Variants in TMEM117 observed in about 807,000 individuals in gnomAD.
TMEM117 encodes the protein transmembrane protein 117.
Under a neutral mutation model 52.4 loss-of-function variants are expected in TMEM117, and 27 were observed. The observed-to-expected ratio is 0.51, with a 90% CI of 0.38 to 0.71. The LOEUF (loss-of-function observed/expected upper bound fraction) is 0.71, where lower values mean the gene tolerates loss of function less well. TMEM117 is among the 30% of genes least tolerant of loss of function. TMEM117 has a pLI of 0.00. For missense variants in TMEM117, 556 were observed against 630.5 expected, an observed-to-expected ratio of 0.88 and a Z score of 1.26; for synonymous variants, 215 against 206.3, an observed-to-expected ratio of 1.04 and a Z score of -0.36.
chr12:43,831,692 C>T (rs559474659), upstream of TMEM117, among the ~76,000 whole-genome samples: 3 of 152,148 alleles, frequency 2.0e-5, no homozygotes, highest in South Asian at 6.2e-4. Context: ...TATAGGTGCG[C>T]ACCACCACTC....
intron 2 of TMEM117, among the ~76,000 whole-genome samples, chr12:43,930,016 T>C (rs989860280): frequency 2.0e-5 from 3 of 152,166 alleles, no homozygotes; most frequent in African/African-American, 7.2e-5. Flanking sequence ...GATGATACAA[T>C]CTTCCCTAGA....
Position 44,202,670 on chromosome 12 carries a change from G to A in TMEM117, c.511-8620G>A, listed in dbSNP as rs146616127. 8.2e-3 allele frequency among the ~76,000 whole-genome samples: 1,241 copies of A among 152,226 alleles called. 13 individuals are homozygous for A. The highest frequency in any genetic ancestry group is 0.028 in the African/African-American group (1,180 of 41,544). The stretch of plus-strand genomic sequence containing the variant: ...ATGCCGGCCTCATAGAATGAGTTAC[G>A]GAGATATTCCTCTTCCTTGATTTTT... On this transcript the variant is annotated intron_variant, in intron 4 of 7. Transcript: ENST00000266534.
chr12:43,976,302 G>A (rs193094919), intron 3 of TMEM117, among the ~76,000 whole-genome samples: 1 of 152,254 alleles, frequency 6.6e-6, no homozygotes, highest in Admixed American at 6.5e-5. Flanking sequence ...CCTGCAGACT[G>A]TGGCAGAGCA....
chr12:43,923,294 C>T (rs1016201817), intron 2 of TMEM117, among the ~76,000 whole-genome samples: 2 of 152,034 alleles, frequency 1.3e-5, no homozygotes, highest in Admixed American at 1.3e-4. Context: ...TGGATTTATC[C>T]CAACATATTT....
intron 2 of TMEM117, among the ~76,000 whole-genome samples, chr12:43,921,615 T>A (rs1944695487): frequency 6.6e-6 from 1 of 152,222 alleles, no homozygotes. Flanking sequence ...TCTTTCTTCC[T>A]TCTGATTTTC....
At chr12:43,995,468 C>G (rs988386979) in intron 3 of TMEM117, among the ~76,000 whole-genome samples, 12 of 152,196 alleles carry the variant, frequency 7.9e-5, no homozygotes, top group African/African-American at 2.7e-4. Flanking sequence ...TTGGAACTCT[C>G]TCTCCATACT....
At chr12:43,968,288 T>G (rs11182355) in intron 3 of TMEM117, among the ~76,000 whole-genome samples, 7,672 of 152,328 alleles carry the variant, frequency 0.05, 237 homozygotes, top group Non-Finnish European at 0.071. Context: ...TTAGCCGGCT[T>G]TCTTTTCAAG....
At chr12:44,279,811 G>A (rs183672237) in intron 5 of TMEM117, among the ~76,000 whole-genome samples, 1 of 152,268 alleles carries the variant, frequency 6.6e-6, no homozygotes, top group East Asian at 1.9e-4. Context: ...AGCGCACCCG[G>A]CCTACAATTT....
the TMEM117 span, chr12:43,797,653 G>A: frequency 6.3e-7 from 1 of 1,576,534 alleles, no homozygotes; most frequent in South Asian, 1.2e-5. Context: ...AACCCTATAT[G>A]AGTCATAAAC....
chr12:43,804,726 G>A, the TMEM117 span, among the ~76,000 whole-genome samples: 18 of 152,218 alleles, frequency 1.2e-4, no homozygotes, highest in East Asian at 1.4e-3. Context: ...ATAAAATAAC[G>A]AAGACTGTAT....
At chr12:44,092,978 A>G (rs1947699222) in intron 3 of TMEM117, among the ~76,000 whole-genome samples, 1 of 152,186 alleles carries the variant, frequency 6.6e-6, no homozygotes, top group African/African-American at 2.4e-5. Flanking sequence ...TGGAGCAGAA[A>G]AATTCCCTTG....
intron 5 of TMEM117, among the ~76,000 whole-genome samples, chr12:44,241,961 C>T (rs1413410308): frequency 2.0e-5 from 3 of 151,862 alleles, no homozygotes; most frequent in South Asian, 2.1e-4. Flanking sequence ...GGCTATTCTT[C>T]TCTTTCCTGT....
At chr12:43,885,739 A>G (rs1391740858) in intron 2 of TMEM117, among the ~76,000 whole-genome samples, 2 of 152,210 alleles carry the variant, frequency 1.3e-5, no homozygotes, top group African/African-American at 2.4e-5. Context: ...TTTCACCATA[A>G]TATGGTAGAA....
intron 3 of TMEM117, among the ~76,000 whole-genome samples, chr12:44,124,089 T>G (rs2031680107): frequency 6.6e-6 from 1 of 152,124 alleles, no homozygotes; most frequent in African/African-American, 2.4e-5. Flanking sequence ...TGAGCAGTGG[T>G]TTGTGGTTCT....
intron 2 of TMEM117, among the ~76,000 whole-genome samples, chr12:43,876,232 C>T (rs1943792656): frequency 6.6e-6 from 1 of 152,106 alleles, no homozygotes; most frequent in Non-Finnish European, 1.5e-5. Context: ...TTTGATTTAT[C>T]TAGGATTGTT....
intron 6 of TMEM117, among the ~76,000 whole-genome samples, chr12:44,320,069 A>G (rs1951111125): frequency 6.6e-6 from 1 of 152,198 alleles, no homozygotes; most frequent in African/African-American, 2.4e-5. Flanking sequence ...CTAACTGGCA[A>G]CCAGCTCTAT....
chr12:44,237,345 T>G (rs1286355401), intron 5 of TMEM117, among the ~76,000 whole-genome samples: 1 of 152,050 alleles, frequency 6.6e-6, no homozygotes, highest in Admixed American at 6.6e-5. Flanking sequence ...TAGAATATAA[T>G]TCTTTCCATT....
At chr12:44,350,263 A>G (rs1467827871) in intron 6 of TMEM117, among the ~76,000 whole-genome samples, 1 of 151,840 alleles carries the variant, frequency 6.6e-6, no homozygotes, top group African/African-American at 2.4e-5. Flanking sequence ...AAATCACCCA[A>G]CTTGCCATAT....
chr12:44,329,898 ATC>A (rs1459409621), intron 6 of TMEM117, among the ~76,000 whole-genome samples: 2 of 152,024 alleles, frequency 1.3e-5, no homozygotes, highest in African/African-American at 4.8e-5. Context: ...TATTTTGTTT[ATC>A]CATTGATCTA....
Sources: gnomAD v4.1 joint callset for allele counts (sites outside exome capture counted in the v4.1 genomes callset) on GRCh38, gnomAD v4.1.1 for gene constraint, MANE v1.5 for transcripts, NCBI Gene and HGNC (gene_info 2026-07-23, HGNC 2026-07-21) for gene names.